Variants in PDZRN4 observed in about 807,000 individuals in gnomAD.
PDZRN4 encodes PDZ domain-containing RING finger protein 4.
Under a neutral mutation model 99.0 loss-of-function variants are expected in PDZRN4, and 70 were observed. The observed-to-expected ratio is 0.71, with a 90% CI of 0.58 to 0.86. PDZRN4 has a LOEUF of 0.86. Ranked by LOEUF, PDZRN4 falls within the 40% of genes least tolerant of loss-of-function variation. PDZRN4 has a pLI of 0.00. For synonymous variants in PDZRN4, 551 were observed against 501.6 expected (o/e 1.10, Z -1.32); for missense variants, 1,474 against 1,331.2 (o/e 1.11, Z -1.67).
intron 3 of PDZRN4, among the ~76,000 whole-genome samples, chr12:41,260,722 T>G (rs1951232460): frequency 6.6e-6 from 1 of 151,190 alleles, no homozygotes. Context: ...GTGATGCTAT[T>G]ATATATTTTA....
chr12:41,239,232 A>G (rs779828601), intron 3 of PDZRN4, among the ~76,000 whole-genome samples: 17 of 152,192 alleles, frequency 1.1e-4, no homozygotes, highest in Non-Finnish European at 1.6e-4. Flanking sequence ...CAAACACCAC[A>G]TGTTCTCACT....
intron 9 of PDZRN4, among the ~76,000 whole-genome samples, chr12:41,571,374 T>A (rs937397187): frequency 0.019 from 1,141 of 60,550 alleles, 16 homozygotes; most frequent in African/African-American, 0.077. Flanking sequence ...TCTCTCTCTC[T>A]CTCACACACA....
chr12:41,554,086 G>C (rs986704151), intron 6 of PDZRN4, among the ~76,000 whole-genome samples: 3 of 152,164 alleles, frequency 2.0e-5, no homozygotes, highest in African/African-American at 7.2e-5. Context: ...AAAATCTCCA[G>C]ATAATATTCA....
At chr12:41,272,433 G>T (rs932129356) in intron 3 of PDZRN4, among the ~76,000 whole-genome samples, 4 of 152,014 alleles carry the variant, frequency 2.6e-5, no homozygotes, top group African/African-American at 9.7e-5. Flanking sequence ...TGACCTGTTT[G>T]ACTTATTAAT....
intron 3 of PDZRN4, among the ~76,000 whole-genome samples, chr12:41,199,562 T>C (rs1950801213): frequency 6.6e-6 from 1 of 152,132 alleles, no homozygotes. Flanking sequence ...CAGTTGTATG[T>C]TTATTGCAGC....
intron 5 of PDZRN4, among the ~76,000 whole-genome samples, chr12:41,541,449 CTTTTTTTT>C (rs66828349): frequency 7.3e-6 from 1 of 137,362 alleles, no homozygotes; most frequent in African/African-American, 2.7e-5. Context: ...TTCTTCTAGA[CTTTTTTTT>C]TTTTTTTTTG....
chr12:41,321,955 A>T (rs1951680775), intron 3 of PDZRN4, among the ~76,000 whole-genome samples: 1 of 152,214 alleles, frequency 6.6e-6, no homozygotes, highest in South Asian at 2.1e-4. Flanking sequence ...CCCAGAAAGC[A>T]TATTAGAAAT....
At chr12:41,530,325 A>G (rs532045583) in intron 5 of PDZRN4, among the ~76,000 whole-genome samples, 19 of 152,294 alleles carry the variant, frequency 1.2e-4, no homozygotes, top group Admixed American at 3.9e-4. Flanking sequence ...GCTCTAAATA[A>G]TGTGTTATTT....
chr12:41,332,883 T>C (rs1005381600), intron 3 of PDZRN4, among the ~76,000 whole-genome samples: 2 of 152,070 alleles, frequency 1.3e-5, no homozygotes, highest in Non-Finnish European at 2.9e-5. Context: ...TATTGCAAGT[T>C]CAGTGGGAGC....
At chr12:41,563,769 T>C (rs1939314852) in intron 8 of PDZRN4, 120 bp downstream of exon 8, 1 of 707,684 alleles carries the variant, frequency 1.4e-6, no homozygotes, top group Non-Finnish European at 2.4e-6. Flanking sequence ...ATTATCACGG[T>C]TATCTCTCCC....
chr12:41,541,719 C>T lies in PDZRN4; in HGVS notation c.1204-10937C>T, dbSNP rs368528272. On this transcript the variant is annotated intron_variant, in intron 5 of 9. Transcript: ENST00000402685. The stretch of plus-strand genomic sequence containing the variant: ...CCGCCTGCCTCGGCCTCCCAAAGTG[C>T]TGGGATTACAGGCGTGAGCCACCAC... Among the ~76,000 whole-genome samples, 7 of 152,268 alleles carry T rather than the reference C, an allele frequency of 4.6e-5. No homozygotes were observed. In the East Asian group the frequency reaches 9.7e-4, roughly 21 times the overall value.
chr12:41,325,718 A>G lies in PDZRN4; in HGVS notation c.843+131530A>G, dbSNP rs571713841. ...CTGTCTCAGTTAATGTGATTTTCAAACCTTAGATATGGTGAAATTAAAAAG... is the reference window on the plus strand; with the variant it reads ...CTGTCTCAGTTAATGTGATTTTCAAGCCTTAGATATGGTGAAATTAAAAAG... On this transcript the variant is annotated intron_variant, in intron 3 of 9. Coordinates refer to ENST00000402685, the MANE Select transcript of PDZRN4 (RefSeq NM_001164595.2). Among the ~76,000 whole-genome samples the G allele has an allele frequency of 6.6e-5, 10 of 152,270 alleles. No individual in the cohort carries two copies. In the South Asian group the frequency reaches 2.1e-3, roughly 32 times the overall value.
At chr12:41,262,973 A>G (rs1951251801) in intron 3 of PDZRN4, among the ~76,000 whole-genome samples, 2 of 147,684 alleles carry the variant, frequency 1.4e-5, no homozygotes, top group South Asian at 4.2e-4. Context: ...ATATATATAT[A>G]AAATATATCT....
intron 3 of PDZRN4, among the ~76,000 whole-genome samples, chr12:41,493,376 G>C (rs1340990453): frequency 6.6e-6 from 1 of 152,130 alleles, no homozygotes; most frequent in Non-Finnish European, 1.5e-5. Context: ...GTACAAAACT[G>C]TGCCCTTCTC....
chr12:41,352,163 A>G (rs1436531504), intron 3 of PDZRN4, among the ~76,000 whole-genome samples: 1 of 152,136 alleles, frequency 6.6e-6, no homozygotes, highest in African/African-American at 2.4e-5. Context: ...TTGGCAAATG[A>G]AAGTTACCTG....
At chr12:41,219,689 G>T (rs986619536) in intron 3 of PDZRN4, among the ~76,000 whole-genome samples, 1 of 152,024 alleles carries the variant, frequency 6.6e-6, no homozygotes, top group Non-Finnish European at 1.5e-5. Context: ...AATACTTCAC[G>T]AAGTGTATGA....
Position 41,417,322 on chromosome 12 carries a change from A to T in PDZRN4, c.844-89134A>T, listed in dbSNP as rs552851968. ...AGGCAATGCCATCTTTGGCCAGAGA[A>T]AATTTGGTAAGTGCCATTGCTAGCA... On this transcript the variant is annotated intron_variant, in intron 3 of 9. Transcript: ENST00000402685. 2.0e-5 allele frequency among the ~76,000 whole-genome samples: 3 copies of T among 152,344 alleles called. No individual in the cohort carries two copies. In the South Asian group the frequency reaches 6.2e-4, roughly 32 times the overall value.
At chr12:41,380,914 G>A (rs2121101047) in intron 3 of PDZRN4, among the ~76,000 whole-genome samples, 1 of 152,208 alleles carries the variant, frequency 6.6e-6, no homozygotes, top group South Asian at 2.1e-4. Context: ...AATTCTAGTA[G>A]TGAGGAACTT....
chr12:41,452,116 CAAA>C (rs34095768), intron 3 of PDZRN4, among the ~76,000 whole-genome samples: 8 of 142,820 alleles, frequency 5.6e-5, no homozygotes, highest in South Asian at 2.2e-4. Context: ...GAATAAGAGA[CAAA>C]AAAAAAAAAA....
Sources: gnomAD v4.1 joint callset for allele counts (sites outside exome capture counted in the v4.1 genomes callset) on GRCh38, gnomAD v4.1.1 for gene constraint, MANE v1.5 for transcripts, NCBI Gene and HGNC (gene_info 2026-07-23, HGNC 2026-07-21) for gene names.